Variants in DOCK6 observed in about 807,000 individuals in gnomAD.
DOCK6 encodes dedicator of cytokinesis 6.
Under a neutral mutation model 230.3 loss-of-function variants are expected in DOCK6, and 167 were observed. The ratio of observed to expected loss-of-function variants is 0.73; its 90% CI spans 0.64 to 0.82. The LOEUF is 0.82. Ranked by LOEUF, DOCK6 falls within the 40% of genes least tolerant of loss-of-function variation. The pLI, the probability that DOCK6 is intolerant of heterozygous loss-of-function variation, is 0.00. For synonymous variants in DOCK6, 1,148 were observed against 1,185.0 expected (o/e 0.97, Z 0.64); for missense variants, 2,598 against 2,825.8 (o/e 0.92, Z 1.83).
At chr19:11,246,447 C>A (rs2080035549) in intron 7 of DOCK6, among the ~76,000 whole-genome samples, 1 of 151,550 alleles carries the variant, frequency 6.6e-6, no homozygotes, top group African/African-American at 2.4e-5. Flanking sequence ...GACAGAGTCT[C>A]CCCTGTTGCC....
At chr19:11,252,639 C>G in intron 3 of DOCK6, 89 bp from the exon 4 acceptor site, 12 of 1,598,756 alleles carry the variant, frequency 7.5e-6, no homozygotes, top group Non-Finnish European at 1.0e-5. Context: ...CCTGCCTATT[C>G]CAGACAAGGG....
At position 11,202,579 on chromosome 19, in the gene DOCK6, C is replaced by T. The variant is rs2079188743; in HGVS notation, c.5361+5G>A. ...CCCGTTCCACCCCCAACCACAAGGA[C>T]GTGCCTCCAGCCGGTGTGAGATCTC... On this transcript the variant is annotated splice_donor_5th_base_variant and intron_variant, in intron 42 of 47. Coordinates refer to ENST00000294618, the MANE Select transcript of DOCK6 (RefSeq NM_020812.4). The surrounding 1 kb of genome is among the most constrained non-coding windows in gnomAD (Gnocchi z 5.3). The T allele has an allele frequency of 2.5e-6, 4 of 1,614,028 alleles. No homozygotes were observed. The highest frequency in any genetic ancestry group is 3.4e-6 in the Non-Finnish European group (4 of 1,179,902).
chr19:11,253,758 G>C, intron 1 of DOCK6, 32 bp from the exon 2 acceptor site: 1 of 1,401,284 alleles, frequency 7.1e-7, no homozygotes, highest in Non-Finnish European at 9.5e-7. Context: ...CATTGGGGAC[G>C]GGAAAACTCA....
Position 11,236,759 on chromosome 19 carries a change from G to A in DOCK6, c.2160+34C>T. ...TCGTAGGGCAGGCAAGAGGGGAGCA[G>A]GGCGGGACTCTTGGTTCCCGGCCCA... On this transcript the variant is annotated intron_variant, in intron 19 of 47. Transcript: ENST00000294618. The surrounding 1 kb of genome is among the most constrained non-coding windows in gnomAD (Gnocchi z 5.2). 1 of 1,550,288 alleles carries A rather than the reference G, an allele frequency of 6.5e-7. No individual in the cohort carries two copies. The highest frequency in any genetic ancestry group is 8.7e-7 in the Non-Finnish European group (1 of 1,146,136).
At position 11,200,754 on chromosome 19, in the gene DOCK6, G is replaced by T; in HGVS notation, c.5901C>A (p.His1967Gln). The T allele has an allele frequency of 6.2e-7, 1 of 1,613,710 alleles. No homozygotes were observed. Among genetic ancestry groups the T allele is most frequent in the Non-Finnish European group, 8.5e-7 (1 of 1,179,748 alleles). ...IPEDPKLFRHHNKLRLCFKDF... is the reference protein window; with the variant it reads ...IPEDPKLFRHQNKLRLCFKDF... ...CCTTGAAGCAGAGCCGCAATTTGTTGTGATGCCGGAAGAGCTTGGGGTCTT... is the reference window on the plus strand; with the variant it reads ...CCTTGAAGCAGAGCCGCAATTTGTTTTGATGCCGGAAGAGCTTGGGGTCTT... The change falls in exon 46 of 48, where the codon CAC becomes CAA. Residue 1967 changes from histidine (H) to glutamine (Q), a missense_variant. Transcript: ENST00000294618. This position sits in a 1 kb window ranked among gnomAD's most constrained non-coding sequence, Gnocchi z 4.3.
rs577182526 is a variant in DOCK6 at position 11,234,810 on chromosome 19, C to T, written c.2554+788G>A. 1.5e-3 allele frequency among the ~76,000 whole-genome samples: 231 copies of T among 152,280 alleles called. 2 individuals carry two copies. The highest frequency in any genetic ancestry group is 2.5e-3 in the Non-Finnish European group (168 of 68,032). ...AGCCAAGCACACAGAAGCCACACCC[C>T]AGGGATGGGGCAAAAGTGGGCAAAA... On this transcript the variant is annotated intron_variant, in intron 21 of 47. Coordinates refer to ENST00000294618, the MANE Select transcript of DOCK6 (RefSeq NM_020812.4).
chr19:11,242,382 A>G (rs1055554817), intron 13 of DOCK6, among the ~76,000 whole-genome samples, 175 bp from the exon 14 acceptor site: 2 of 150,660 alleles, frequency 1.3e-5, no homozygotes, highest in African/African-American at 4.9e-5. Context: ...GTCACCCTAA[A>G]TTTTTTTTCG....
chr19:11,241,740 C>T, intron 14 of DOCK6: 1 of 1,556,212 alleles, frequency 6.4e-7, no homozygotes, highest in Non-Finnish European at 8.7e-7. Flanking sequence ...CACTTCCACG[C>T]CCCGTGAGGC....
intron 32 of DOCK6, among the ~76,000 whole-genome samples, chr19:11,215,137 A>G (rs1352718309): frequency 6.6e-6 from 1 of 152,014 alleles, no homozygotes; most frequent in Non-Finnish European, 1.5e-5. Flanking sequence ...AGTAGAGACA[A>G]GGTTTCACCG....
chr19:11,211,942 G>A (rs1179661011), intron 36 of DOCK6, 51 bp downstream of exon 36: 1 of 1,584,722 alleles, frequency 6.3e-7, no homozygotes, highest in African/African-American at 1.3e-5. Context: ...AAGGTGGTGG[G>A]GTTGGGAGTT....
Position 11,212,101 on chromosome 19 carries a change from C to T in DOCK6, c.4542G>A (p.Val1514=). 6.2e-7 allele frequency: 1 copy of T among 1,612,410 alleles called. No individual in the cohort carries two copies. The highest frequency in any genetic ancestry group is 8.5e-7 in the Non-Finnish European group (1 of 1,179,692). ...CTTCACTGAAGTTCTGCGTCGTCCC[C>T]ACCAGGGACGAGAGAGACATGGTGA... ...MQVTMSLSSL[V]GTTQNFSEEH... The change falls in exon 36 of 48, where the codon GTG becomes GTA. Residue 1514 remains valine (V), a synonymous_variant. Coordinates refer to ENST00000294618, the MANE Select transcript of DOCK6 (RefSeq NM_020812.4).
chr19:11,256,215 T>G (rs531297693), intron 1 of DOCK6, among the ~76,000 whole-genome samples: 96 of 152,312 alleles, frequency 6.3e-4, no homozygotes, highest in African/African-American at 2.2e-3. Context: ...AAAGTCGGGC[T>G]GCTGCCTCCA....
chr19:11,261,577 A>AC (rs538082864), intron 1 of DOCK6, among the ~76,000 whole-genome samples: 9 of 150,888 alleles, frequency 6.0e-5, no homozygotes, highest in African/African-American at 1.5e-4. Flanking sequence ...TGTCGCAAAG[A>AC]CCCCCCGCCA....
At chr19:11,259,249 G>A (rs918095082) in intron 1 of DOCK6, among the ~76,000 whole-genome samples, 29 of 152,018 alleles carry the variant, frequency 1.9e-4, no homozygotes, top group Non-Finnish European at 3.2e-4. Flanking sequence ...ACAGGGTCTC[G>A]CTATGTTGCC....
chr19:11,212,303 A>G (rs1483449445), intron 35 of DOCK6, among the ~76,000 whole-genome samples, 152 bp from the exon 36 acceptor site: 2 of 152,010 alleles, frequency 1.3e-5, no homozygotes, highest in Non-Finnish European at 2.9e-5. Flanking sequence ...GTGCAGTGGC[A>G]TGATCTCAGC....
At chr19:11,211,716 G>A (rs1175482080) in intron 37 of DOCK6, 60 bp downstream of exon 37, 4 of 1,337,894 alleles carry the variant, frequency 3.0e-6, no homozygotes, top group Non-Finnish European at 4.2e-6. Context: ...TCTCATCCCT[G>A]TTCTCCCTGC....
In DOCK6 at chr19:11,221,867, C is replaced by T; in HGVS notation, c.3534G>A (p.Arg1178=). Residue 1178 remains arginine, a synonymous_variant, in exon 28 of 48, where the codon CGG becomes CGA. Coordinates refer to ENST00000294618, the MANE Select transcript of DOCK6 (RefSeq NM_020812.4). The part of the protein sequence containing the change: ...LLSIARDTLP[R]LHDFAEGPGQ... ...CCCACTGACCAGCAAAGTCATGCAG[C>T]CGTGGCAAGGTATCCCGTGCAATCG... 1 of 1,613,780 alleles carries T rather than the reference C, an allele frequency of 6.2e-7. No homozygotes were observed. The highest frequency in any genetic ancestry group is 8.5e-7 in the Non-Finnish European group (1 of 1,179,908).
chr19:11,230,995 C>T (rs1240649500), intron 22 of DOCK6, among the ~76,000 whole-genome samples: 2 of 152,192 alleles, frequency 1.3e-5, no homozygotes, highest in African/African-American at 4.8e-5. Context: ...TGGCAACTCA[C>T]TGTGCACCGT....
At chr19:11,227,206 A>G in intron 24 of DOCK6, 131 bp downstream of exon 24, 1 of 1,261,834 alleles carries the variant, frequency 7.9e-7, no homozygotes, top group Non-Finnish European at 1.1e-6. Flanking sequence ...CAATGAATGA[A>G]CGGATCCACC....
Sources: allele counts gnomAD v4.1 joint callset (sites outside exome capture counted in the v4.1 genomes callset), GRCh38; gene constraint gnomAD v4.1.1; non-coding constraint Gnocchi (gnomAD v3.1); transcripts MANE v1.5; gene names NCBI Gene and HGNC (gene_info 2026-07-23, HGNC 2026-07-21).